SLC35F4: variants seen among roughly 807,000 people sequenced by gnomAD.
The protein encoded by SLC35F4 is solute carrier family 35 member F4, also known as chromosome 14 open reading frame 36.
SLC35F4 carries 24 observed loss-of-function variants against 44.2 expected under a neutral mutation model. That is an observed-to-expected ratio of 0.54 (90% CI 0.39 to 0.76). The LOEUF (loss-of-function observed/expected upper bound fraction) is 0.76, where lower values mean the gene tolerates loss of function less well. Among genes scored for constraint, SLC35F4 ranks in the 30% least tolerant of loss-of-function variants. The probability of loss-of-function intolerance (pLI) is 0.00; values close to 1 mark genes in which losing one functional copy is unlikely to be tolerated. For missense variants in SLC35F4, 562 were observed against 586.1 expected (o/e 0.96, Z 0.42); for synonymous variants, 238 against 223.6 (o/e 1.06, Z -0.57).
chr14:57,573,120 A>C (rs1397673581), intron 4 of SLC35F4, among the ~76,000 whole-genome samples: 2 of 149,486 alleles, frequency 1.3e-5, no homozygotes, highest in African/African-American at 4.9e-5. Flanking sequence ...GGCCCTTTTG[A>C]ACACTATTAG....
intron 1 of SLC35F4, among the ~76,000 whole-genome samples, chr14:57,721,026 A>T (rs2076075141): frequency 9.9e-6 from 1 of 100,590 alleles, no homozygotes; most frequent in African/African-American, 3.5e-5. Flanking sequence ...GAGTTAATAA[A>T]CTCCTCATAT....
At chr14:57,774,613 G>A (rs950936175) in intron 1 of SLC35F4, among the ~76,000 whole-genome samples, 36 of 152,294 alleles carry the variant, frequency 2.4e-4, no homozygotes, top group African/African-American at 8.4e-4. Flanking sequence ...ATAGTCTGCT[G>A]GCCTTTCTCA....
intron 1 of SLC35F4, among the ~76,000 whole-genome samples, chr14:57,762,528 A>G (rs1363632792): frequency 6.6e-6 from 1 of 152,164 alleles, no homozygotes; most frequent in African/African-American, 2.4e-5. Context: ...GCCAATTGCT[A>G]TGGTTTGAGT....
At chr14:57,714,754 C>T (rs1399327002) in intron 1 of SLC35F4, among the ~76,000 whole-genome samples, 1 of 152,080 alleles carries the variant, frequency 6.6e-6, no homozygotes, top group African/African-American at 2.4e-5. Flanking sequence ...AATTGTAAAA[C>T]CCTGTGGGAG....
At chr14:57,917,358 C>G (rs1318879798) in intron 1 of SLC35F4, among the ~76,000 whole-genome samples, 1 of 152,100 alleles carries the variant, frequency 6.6e-6, no homozygotes, top group African/African-American at 2.4e-5. Context: ...CACACCCAGC[C>G]CTCTCTGCTT....
At chr14:57,683,842 A>C (rs1212659749) in intron 1 of SLC35F4, among the ~76,000 whole-genome samples, 1 of 152,020 alleles carries the variant, frequency 6.6e-6, no homozygotes, top group Non-Finnish European at 1.5e-5. Context: ...TCTCTCTTCT[A>C]TCCACCCAAG....
intron 1 of SLC35F4, among the ~76,000 whole-genome samples, chr14:57,815,745 G>A (rs767008528): frequency 7.2e-5 from 11 of 152,046 alleles, no homozygotes; most frequent in South Asian, 2.1e-4. Flanking sequence ...CCTAAATAGC[G>A]CATCTCCCAG....
At chr14:57,883,181 C>T (rs1339558923) in intron 1 of SLC35F4, among the ~76,000 whole-genome samples, 1 of 152,092 alleles carries the variant, frequency 6.6e-6, no homozygotes, top group African/African-American at 2.4e-5. Context: ...TGAGGCCAAC[C>T]CCCCATGTGA....
intron 1 of SLC35F4, among the ~76,000 whole-genome samples, chr14:57,746,914 G>A (rs941790791): frequency 7.9e-5 from 12 of 152,168 alleles, no homozygotes; most frequent in Non-Finnish European, 1.5e-5. Flanking sequence ...AAGTCCATTA[G>A]TAAGGGCTTT....
At chr14:57,731,167 C>A (rs995633398) in intron 1 of SLC35F4, among the ~76,000 whole-genome samples, 1 of 151,992 alleles carries the variant, frequency 6.6e-6, no homozygotes, top group African/African-American at 2.4e-5. Context: ...ACTCAAAAAC[C>A]CACAGCAGAG....
intron 1 of SLC35F4, among the ~76,000 whole-genome samples, chr14:57,698,000 T>A (rs1430137288): frequency 6.6e-6 from 1 of 152,204 alleles, no homozygotes; most frequent in Non-Finnish European, 1.5e-5. Flanking sequence ...ACCGGCTACA[T>A]GATTTGGGGC....
At chr14:57,668,100 T>G (rs1418282538) in intron 1 of SLC35F4, among the ~76,000 whole-genome samples, 127 of 150,914 alleles carry the variant, frequency 8.4e-4, no homozygotes, top group Admixed American at 1.3e-3. Flanking sequence ...ATGAGCATTT[T>G]TTCATGTGTC....
chr14:57,579,259 G>A, intron 4 of SLC35F4, among the ~76,000 whole-genome samples: 1 of 152,168 alleles, frequency 6.6e-6, no homozygotes, highest in Admixed American at 6.5e-5. Context: ...TTAAGATGTG[G>A]ACAGATCTTT....
chr14:57,713,829 G>A (rs144394587), intron 1 of SLC35F4, among the ~76,000 whole-genome samples: 321 of 152,198 alleles, frequency 2.1e-3, no homozygotes, highest in African/African-American at 7.3e-3. Flanking sequence ...AGAATATTGG[G>A]AATTCCTTCA....
intron 1 of SLC35F4, among the ~76,000 whole-genome samples, chr14:57,640,501 C>A (rs116003275): frequency 0.027 from 4,055 of 152,078 alleles, 81 homozygotes; most frequent in South Asian, 0.075. Context: ...TATTTTGGTA[C>A]AAGTCTCCTA....
intron 4 of SLC35F4, chr14:57,580,464 A>G (rs1161817111): frequency 1.3e-5 from 4 of 308,362 alleles, no homozygotes; most frequent in Non-Finnish European, 1.9e-5. Context: ...TGTTGTCTCA[A>G]TATGTTCATC....
At chr14:57,980,839 G>A (rs2141101035) in intron 1 of SLC35F4, among the ~76,000 whole-genome samples, 1 of 152,270 alleles carries the variant, frequency 6.6e-6, no homozygotes, top group South Asian at 2.1e-4. Flanking sequence ...AGCTACATGT[G>A]GCTAGTGGCT....
chr14:57,683,877 G>A (rs984940680), intron 1 of SLC35F4, among the ~76,000 whole-genome samples: 8 of 152,020 alleles, frequency 5.3e-5, no homozygotes, highest in African/African-American at 1.9e-4. Context: ...GGTTGGGGTG[G>A]GAGCTGAACA....
chr14:57,818,827 G>T lies in SLC35F4; in HGVS notation c.103+46896C>A, dbSNP rs541726236. Reference sequence around the variant, plus strand: ...GACGAAGTACAACATGTGGACTGTAGCTTGTTTCAATAACCCTGCTGTTTT... The same window carrying T: ...GACGAAGTACAACATGTGGACTGTATCTTGTTTCAATAACCCTGCTGTTTT... On this transcript the variant is annotated intron_variant, in intron 1 of 7. Transcript: ENST00000556826. Among the ~76,000 whole-genome samples, 7 of 152,300 alleles carry T rather than the reference G, an allele frequency of 4.6e-5. No homozygotes were observed. The South Asian group carries it at 1.4e-3, about 32-fold the overall frequency.
Sources: gnomAD v4.1 joint callset for allele counts (sites outside exome capture counted in the v4.1 genomes callset) on GRCh38, gnomAD v4.1.1 for gene constraint, MANE v1.5 for transcripts, NCBI Gene and HGNC (gene_info 2026-07-23, HGNC 2026-07-21) for gene names.